Variants in SV2C observed in about 807,000 individuals in gnomAD.
SV2C encodes synaptic vesicle glycoprotein 2C.
A neutral mutation model predicts 79.7 loss-of-function variants in SV2C; 49 were observed. The observed-to-expected ratio is 0.61, with a 90% CI of 0.49 to 0.78. The LOEUF is 0.78. Ranked by LOEUF, SV2C falls within the 30% of genes least tolerant of loss-of-function variation. The pLI, the probability that SV2C is intolerant of heterozygous loss-of-function variation, is 0.00. For missense variants in SV2C, 833 were observed against 912.9 expected (o/e 0.91, Z 1.13); for synonymous variants, 334 against 333.2 (o/e 1.00, Z -0.03).
the SV2C span, among the ~76,000 whole-genome samples, chr5:75,882,984 A>T: frequency 1.3e-5 from 2 of 149,930 alleles, no homozygotes; most frequent in African/African-American, 4.9e-5. Flanking sequence ...GAACTCAAAC[A>T]AATTTACAAG....
intron 1 of SV2C, among the ~76,000 whole-genome samples, chr5:76,105,784 C>A (rs886177581): frequency 6.6e-6 from 1 of 152,126 alleles, no homozygotes; most frequent in African/African-American, 2.4e-5. Context: ...AAATTGCAGT[C>A]TCTTGGTCTT....
intron 4 of SV2C, among the ~76,000 whole-genome samples, chr5:76,246,532 G>A (rs1745952607): frequency 6.6e-6 from 1 of 152,152 alleles, no homozygotes; most frequent in Admixed American, 6.5e-5. Flanking sequence ...GGTCAGTTAA[G>A]TCCTTTCAGG....
the SV2C span, among the ~76,000 whole-genome samples, chr5:76,034,148 G>T: frequency 6.6e-6 from 1 of 151,502 alleles, no homozygotes; most frequent in Non-Finnish European, 1.5e-5. Flanking sequence ...GAGATTTTGG[G>T]CTGAGACAAT....
chr5:76,184,054 A>AAAGCTTTT (rs1743831961), intron 2 of SV2C, among the ~76,000 whole-genome samples: 1 of 152,238 alleles, frequency 6.6e-6, no homozygotes, highest in Admixed American at 6.5e-5. Context: ...AATTTCTTGG[A>AAAGCTTTT]AAGCTTTTAA....
At chr5:75,867,197 G>C in the SV2C span, among the ~76,000 whole-genome samples, 1 of 152,142 alleles carries the variant, frequency 6.6e-6, no homozygotes, top group Non-Finnish European at 1.5e-5. Flanking sequence ...TAGGAAAGCT[G>C]CCTGATGTTT....
rs11390195 is a variant in SV2C, at chr5:76,253,708, G to GAAA, written c.914-31438_914-31436dup. On this transcript the variant is annotated intron_variant, in intron 4 of 12. Transcript: ENST00000502798. Reference sequence around the variant, plus strand: ...TTCCCCACCACCTCTCCTCCCTAAGGAAAAAAAAAAAAAAAAAATCTCACC... The same window carrying GAAA: ...TTCCCCACCACCTCTCCTCCCTAAGGAAAAAAAAAAAAAAAAAAAAATCTCACC... Among the ~76,000 whole-genome samples, 541 of 118,160 alleles carry GAAA rather than the reference G, an allele frequency of 4.6e-3. 12 individuals carry two copies. Among genetic ancestry groups the GAAA allele is most frequent in the African/African-American group, 9.5e-3 (294 of 30,992 alleles). The allele number at this position is 118,160 out of a possible 152,430, so 77.5% of individuals were successfully genotyped here.
chr5:75,887,076 T>C, the SV2C span, among the ~76,000 whole-genome samples: 1 of 152,154 alleles, frequency 6.6e-6, no homozygotes, highest in Non-Finnish European at 1.5e-5. Flanking sequence ...AGCATTTATT[T>C]CTTAATTGAC....
the SV2C span, among the ~76,000 whole-genome samples, chr5:75,864,422 C>T: frequency 3.4e-3 from 518 of 152,210 alleles, 1 homozygote; most frequent in African/African-American, 0.012. Context: ...CTGACATAGC[C>T]AAGGGGCAGA....
At chr5:76,078,413 G>A (rs74836363), upstream of SV2C, among the ~76,000 whole-genome samples, 1,791 of 152,308 alleles carry the variant, frequency 0.012, 40 homozygotes, top group African/African-American at 0.041. Context: ...TAGTGAGAAA[G>A]GGACAGAATA....
At chr5:75,956,728 T>C in the SV2C span, among the ~76,000 whole-genome samples, 1 of 151,824 alleles carries the variant, frequency 6.6e-6, no homozygotes, top group Non-Finnish European at 1.5e-5. Context: ...ACAACAGAAA[T>C]GTTGATATTC....
chr5:75,968,236 C>T, the SV2C span, among the ~76,000 whole-genome samples: 2 of 152,128 alleles, frequency 1.3e-5, no homozygotes, highest in African/African-American at 2.4e-5. Flanking sequence ...AAAAACAGAG[C>T]AGAAAAACCG....
chr5:76,133,918 A>G (rs748362257), intron 2 of SV2C, among the ~76,000 whole-genome samples: 2 of 152,230 alleles, frequency 1.3e-5, no homozygotes, highest in African/African-American at 2.4e-5. Context: ...ATATACTCAC[A>G]CAAATATTTA....
the SV2C span, among the ~76,000 whole-genome samples, chr5:76,014,153 GA>G: frequency 2.6e-5 from 3 of 117,344 alleles, no homozygotes; most frequent in African/African-American, 8.4e-5. Context: ...AGGAAGGAAG[GA>G]AAGAAGGAAG....
At chr5:75,938,358 T>C in the SV2C span, among the ~76,000 whole-genome samples, 2 of 152,164 alleles carry the variant, frequency 1.3e-5, no homozygotes, top group Non-Finnish European at 2.9e-5. Context: ...AGAATGCTCA[T>C]AGTGGTGCCA....
intron 11 of SV2C, 30 bp downstream of exon 11, chr5:76,300,962 G>A (rs753742459): frequency 6.2e-7 from 1 of 1,611,300 alleles, no homozygotes; most frequent in African/African-American, 1.3e-5. Context: ...TCAAATAAAA[G>A]AGCTGCCCCT....
intron 4 of SV2C, among the ~76,000 whole-genome samples, chr5:76,280,223 T>C (rs1042003654): frequency 6.6e-6 from 1 of 151,414 alleles, no homozygotes; most frequent in Non-Finnish European, 1.5e-5. Context: ...ACACACCCTT[T>C]AGAGAGAGAG....
chr5:76,077,156 C>T, the SV2C span, among the ~76,000 whole-genome samples: 1 of 152,046 alleles, frequency 6.6e-6, no homozygotes, highest in Non-Finnish European at 1.5e-5. Flanking sequence ...AATTAAACGA[C>T]ACATATGTAG....
At chr5:75,858,195 A>G in the SV2C span, among the ~76,000 whole-genome samples, 2 of 152,154 alleles carry the variant, frequency 1.3e-5, no homozygotes, top group African/African-American at 2.4e-5. Flanking sequence ...GTCTTACTGG[A>G]AAAGCTTTCG....
the SV2C span, among the ~76,000 whole-genome samples, chr5:75,939,101 A>G: frequency 6.6e-6 from 1 of 152,158 alleles, no homozygotes; most frequent in African/African-American, 2.4e-5. Context: ...ACCCTTCACC[A>G]TTATTGCCAG....
Sources: gnomAD v4.1 joint callset for allele counts (sites outside exome capture counted in the v4.1 genomes callset) on GRCh38, gnomAD v4.1.1 for gene constraint, MANE v1.5 for transcripts, NCBI Gene and HGNC (gene_info 2026-07-23, HGNC 2026-07-21) for gene names.